Variants in OTUD7B observed in about 807,000 individuals in gnomAD.
The protein encoded by OTUD7B is OTU deubiquitinase 7B.
In OTUD7B, 34 loss-of-function variants were observed where a neutral mutation model predicts 82.2. That is an observed-to-expected ratio of 0.41 (90% CI 0.31 to 0.55). The LOEUF is 0.55. Ranked by LOEUF, OTUD7B falls within the 20% of genes least tolerant of loss-of-function variation. The pLI, the probability that OTUD7B is intolerant of heterozygous loss-of-function variation, is 0.20. For missense variants in OTUD7B, 944 were observed against 1,062.1 expected (o/e 0.89, Z 1.55); for synonymous variants, 398 against 402.7 (o/e 0.99, Z 0.14).
chr1:149,948,812 C>A (rs1481380475), intron 10 of OTUD7B, among the ~76,000 whole-genome samples, 157 bp downstream of exon 10: 1 of 152,188 alleles, frequency 6.6e-6, no homozygotes, highest in African/African-American at 2.4e-5. Flanking sequence ...ATGAAAGAGT[C>A]CTGGTGCCCA....
chr1:150,015,041 T>C (rs1280910215), upstream of OTUD7B, among the ~76,000 whole-genome samples: 1 of 152,170 alleles, frequency 6.6e-6, no homozygotes, highest in Admixed American at 6.5e-5. Context: ...TTAGCTAAGT[T>C]TACCATTTTG....
intron 1 of OTUD7B, among the ~76,000 whole-genome samples, chr1:150,005,106 T>C (rs977315226): frequency 6.6e-6 from 1 of 152,190 alleles, no homozygotes; most frequent in Non-Finnish European, 1.5e-5. Context: ...CCCAAATACC[T>C]ACGGTATGAG....
intron 1 of OTUD7B, among the ~76,000 whole-genome samples, chr1:149,992,660 C>CG (rs1239947096): frequency 1.3e-5 from 2 of 151,522 alleles, no homozygotes; most frequent in African/African-American, 4.8e-5. Context: ...ATCATAAAGA[C>CG]GGGGTTTGGC....
intron 2 of OTUD7B, among the ~76,000 whole-genome samples, chr1:149,972,082 C>A (rs1268636823): frequency 6.6e-6 from 1 of 152,166 alleles, no homozygotes; most frequent in Non-Finnish European, 1.5e-5. Flanking sequence ...GAATAAAACT[C>A]AGGCTCTTTG....
the OTUD7B span, among the ~76,000 whole-genome samples, chr1:150,037,954 C>T: frequency 1.3e-5 from 2 of 151,958 alleles, no homozygotes; most frequent in Non-Finnish European, 2.9e-5. Context: ...CTGCAGCCTC[C>T]ACCTCCCCAG....
In OTUD7B at chr1:149,940,753, C is replaced by T. The variant is rs1571569671; in HGVS notation, c.*3104G>A. On this transcript the variant is annotated 3_prime_UTR_variant, in exon 12 of 12. Transcript: ENST00000581312. ...GTGCAGGCCATATGCCCCTTCTTTC[C>T]TTCTCCCCAACCCAGTAACGACATG... 1.3e-5 allele frequency: 2 copies of T among 152,070 alleles called. No homozygotes were observed. The highest frequency in any genetic ancestry group is 4.2e-4 in the South Asian group (2 of 4,816). 9.4% of individuals were successfully genotyped at this position (152,070 alleles called of 1,614,324 possible). A position where few individuals can be genotyped will look rare whatever the true frequency, so the allele number is the denominator to read the frequency against.
intron 3 of OTUD7B, among the ~76,000 whole-genome samples, chr1:149,969,288 A>C (rs1161354001): frequency 6.6e-6 from 1 of 151,968 alleles, no homozygotes; most frequent in Non-Finnish European, 1.5e-5. Context: ...CACCAGCCTC[A>C]CTCCAGCCTT....
At chr1:150,061,559 T>A in the OTUD7B span, among the ~76,000 whole-genome samples, 1 of 152,172 alleles carries the variant, frequency 6.6e-6, no homozygotes, top group Non-Finnish European at 1.5e-5. Context: ...GGGCAACGAT[T>A]TCCAATTCCT....
chr1:149,946,439 G>A (rs368316616), intron 11 of OTUD7B, among the ~76,000 whole-genome samples: 16 of 151,878 alleles, frequency 1.1e-4, no homozygotes, highest in East Asian at 3.9e-4. Context: ...GGAGACTAAC[G>A]GTTTTTAAAA....
chr1:150,065,062 T>G, the OTUD7B span, among the ~76,000 whole-genome samples: 6 of 146,110 alleles, frequency 4.1e-5, no homozygotes, highest in Non-Finnish European at 6.0e-5. Flanking sequence ...TTTACAAGCC[T>G]AAATAAAATG....
intron 1 of OTUD7B, among the ~76,000 whole-genome samples, chr1:149,982,485 G>T (rs1571687121): frequency 6.6e-6 from 1 of 152,024 alleles, no homozygotes; most frequent in African/African-American, 2.4e-5. Context: ...TTAGAGACAA[G>T]GTCTAGCTCT....
intron 3 of OTUD7B, among the ~76,000 whole-genome samples, chr1:149,968,504 G>A (rs587661135): frequency 4.1e-4 from 63 of 152,124 alleles, no homozygotes; most frequent in Middle Eastern, 3.4e-3. Flanking sequence ...ATATTCCACT[G>A]TGATTATAAT....
chr1:149,967,445 A>G lies in OTUD7B; in HGVS notation c.351T>C (p.Asn117=), dbSNP rs376855503. Residue 117 remains asparagine, a synonymous_variant, in exon 4 of 12, where the codon AAT becomes AAC. Transcript: ENST00000581312. ...VSLARSHVSS[N]GGGGGSNEHP... is the part of the protein sequence containing the mutation. ...GCTCATTGCTCCCCCCACCCCCACC[A>G]TTGGAGGAGACATGGGACCGGGCCA... The G allele has an allele frequency of 1.2e-6, 2 of 1,613,998 alleles. No individual in the cohort carries two copies. The highest frequency in any genetic ancestry group is 1.7e-6 in the Non-Finnish European group (2 of 1,179,960).
In OTUD7B at chr1:149,967,303, C is replaced by G; in HGVS notation, c.493G>C (p.Glu165Gln). 6.8e-6 allele frequency: 11 copies of G among 1,612,136 alleles called. No homozygotes were observed. Among genetic ancestry groups the G allele is most frequent in the Non-Finnish European group, 5.9e-6 (7 of 1,178,612 alleles). Residue 165 changes from glutamate (E) to glutamine (Q), a missense_variant, in exon 4 of 12, where the codon GAA (glutamate) becomes CAA (glutamine). Around this residue, in one of 3 missense-constraint regions of OTUD7B, gnomAD observed 530 missense variants for 625.6 expected, o/e 0.85. Coordinates refer to ENST00000581312, the MANE Select transcript of OTUD7B (RefSeq NM_020205.4). Reference protein sequence around the residue: ...LIEQSMLVALEQAGRLNWWVS... With the variant: ...LIEQSMLVALQQAGRLNWWVS... ...GGAAGCACTCACTGACCTGCCTGTT[C>G]CAAGGCAACCAGCATGGACTGCTCA...
intron 7 of OTUD7B, 108 bp from the exon 8 acceptor site, chr1:149,950,329 T>C (rs1553773128): frequency 1.8e-6 from 2 of 1,092,254 alleles, no homozygotes; most frequent in Non-Finnish European, 2.6e-6. Flanking sequence ...AAGAATGTCC[T>C]TTCCTGGTTT....
At chr1:149,983,744 G>T (rs1251026761) in intron 1 of OTUD7B, among the ~76,000 whole-genome samples, 1 of 152,150 alleles carries the variant, frequency 6.6e-6, no homozygotes, top group Non-Finnish European at 1.5e-5. Context: ...GTTGCACGCA[G>T]AGGTAGAACA....
At chr1:150,038,662 C>CA in the OTUD7B span, among the ~76,000 whole-genome samples, 2 of 152,218 alleles carry the variant, frequency 1.3e-5, no homozygotes, top group African/African-American at 4.8e-5. Context: ...GCTGGGATTA[C>CA]AGGCATGAGC....
At chr1:149,971,800 T>C (rs1291158794) in intron 2 of OTUD7B, among the ~76,000 whole-genome samples, 1 of 152,250 alleles carries the variant, frequency 6.6e-6, no homozygotes, top group Non-Finnish European at 1.5e-5. Flanking sequence ...ATCACCATTC[T>C]ACTAAAGAAA....
chr1:150,055,545 G>A, the OTUD7B span, among the ~76,000 whole-genome samples: 1 of 152,126 alleles, frequency 6.6e-6, no homozygotes, highest in Non-Finnish European at 1.5e-5. Context: ...CCATTATTGG[G>A]TATATACCCA....
Sources: allele counts gnomAD v4.1 joint callset (sites outside exome capture counted in the v4.1 genomes callset), GRCh38; gene constraint gnomAD v4.1.1; regional missense constraint gnomAD v4.1.1; transcripts MANE v1.5; gene names NCBI Gene and HGNC (gene_info 2026-07-23, HGNC 2026-07-21).